The following TCF25 variants were observed in gnomAD, a reference collection of about 807,000 sequenced individuals.
The protein encoded by TCF25 is ribosome quality control complex subunit TCF25.
Under a neutral mutation model 83.1 loss-of-function variants are expected in TCF25, and 41 were observed. That is an observed-to-expected ratio of 0.49 (90% confidence interval 0.38 to 0.64). The LOEUF is 0.64. Ranked by LOEUF, TCF25 falls within the 30% of genes least tolerant of loss-of-function variation. The pLI, the probability that TCF25 is intolerant of heterozygous loss-of-function variation, is 0.00. For synonymous variants in TCF25, 458 were observed against 365.0 expected, an observed-to-expected ratio of 1.25 and a Z score of -2.90; for missense variants, 979 against 914.5, an observed-to-expected ratio of 1.07 and a Z score of -0.91.
chr16:89,883,856 A>T (rs1047889125), intron 2 of TCF25: 1 of 237,194 alleles, frequency 4.2e-6, no homozygotes, highest in Non-Finnish European at 8.5e-6. Context: ...TGTCCTTCCT[A>T]ACTGTGCCCC....
intron 11 of TCF25, among the ~76,000 whole-genome samples, chr16:89,899,796 T>C (rs1044635251): frequency 6.6e-6 from 1 of 152,096 alleles, no homozygotes; most frequent in Non-Finnish European, 1.5e-5. Flanking sequence ...GCAGCACTTA[T>C]CTGGAAGGAC....
At chr16:89,897,409 A>G (rs560572078) in intron 9 of TCF25, among the ~76,000 whole-genome samples, 2 of 152,330 alleles carry the variant, frequency 1.3e-5, no homozygotes, top group African/African-American at 4.8e-5. Context: ...TCCTGTGTGC[A>G]GTGCCCTGTT....
intron 15 of TCF25, 49 bp from the exon 16 acceptor site, chr16:89,907,194 G>GC: frequency 1.3e-6 from 2 of 1,583,126 alleles, no homozygotes; most frequent in Admixed American, 3.3e-5. Context: ...AGAGGTAGAG[G>GC]CCCCCTGGCA....
In TCF25 at chr16:89,911,113, C is replaced by T. The variant is rs1438569752; in HGVS notation, c.1906C>T (p.Leu636=). Residue 636 remains leucine (L), a synonymous_variant, in exon 18 of 18, where the codon CTG becomes TTG. Transcript: ENST00000263346. ...ERPEEGVAGG[L]NRNQGLNRLM... ...GCCCGAGGAAGGAGTGGCTGGGGGT[C>T]TGAACCGCAACCAGGGCCTGAACAG... 1 of 1,611,358 alleles carries T rather than the reference C, an allele frequency of 6.2e-7. No individual in the cohort carries two copies. Among genetic ancestry groups the T allele is most frequent in the African/African-American group, 1.3e-5 (1 of 74,886 alleles).
In TCF25 at chr16:89,893,723, C is replaced by G; in HGVS notation, c.698-5C>G. ...ACACCCTCCCTGAGCACTCTCCCCT[C>G]CCAGGTCTGTCCATGCGGCTGCTGG... On this transcript the variant is annotated splice_region_variant and splice_polypyrimidine_tract_variant and intron_variant, in intron 6 of 17. Transcript: ENST00000263346. 6.2e-7 allele frequency: 1 copy of G among 1,613,738 alleles called. No individual in the cohort carries two copies. The highest frequency in any genetic ancestry group is 1.3e-5 in the African/African-American group (1 of 75,052).
At chr16:89,901,476 T>TGAGG (rs1555616249) in intron 12 of TCF25, among the ~76,000 whole-genome samples, 26 of 142,912 alleles carry the variant, frequency 1.8e-4, no homozygotes, top group Non-Finnish European at 3.1e-4. Context: ...CCGGGCGCGG[T>TGAGG]GGCTCACGCC....
rs1455487797 is a variant in TCF25 at position 89,897,634 on chromosome 16, A to G, written c.1023-923A>G. Among the ~76,000 whole-genome samples, 2 of 152,184 alleles carry G rather than the reference A, an allele frequency of 1.3e-5. 1 individual carries two copies. Among genetic ancestry groups the G allele is most frequent in the South Asian group, 4.1e-4 (2 of 4,834 alleles). ...GATTATAAAATATTAATATTTCCCG[A>G]CGCGAAAGAGACAGTGGGCTGTTGA... On this transcript the variant is annotated intron_variant, in intron 9 of 17. Coordinates refer to ENST00000263346, the MANE Select transcript of TCF25 (RefSeq NM_014972.3).
At chr16:89,910,484 TC>T (rs1374424042) in intron 16 of TCF25, 106 bp from the exon 17 acceptor site, 7 of 1,181,546 alleles carry the variant, frequency 5.9e-6, no homozygotes, top group Non-Finnish European at 8.7e-6. Context: ...TGGCGGCCCC[TC>T]CGTGTCCCTG....
At chr16:89,907,479 A>T (rs866334636) in intron 16 of TCF25, among the ~76,000 whole-genome samples, 157 bp downstream of exon 16, 64 of 18,384 alleles carry the variant, frequency 3.5e-3, no homozygotes, top group African/African-American at 5.9e-3. Flanking sequence ...CCCACCTCCC[A>T]CCTCCCAGCT....
intron 15 of TCF25, among the ~76,000 whole-genome samples, chr16:89,906,873 AC>A (rs1364442166): frequency 6.6e-6 from 1 of 152,012 alleles, no homozygotes; most frequent in East Asian, 1.9e-4. Context: ...GCACTGTGCA[AC>A]CCGAGGGCAG....
At chr16:89,908,667 ACCTCCCT>A (rs1302256370) in intron 16 of TCF25, among the ~76,000 whole-genome samples, 2 of 28,654 alleles carry the variant, frequency 7.0e-5, no homozygotes, top group African/African-American at 1.2e-4. Context: ...CCCAGCTCCC[ACCTCCCT>A]CCTCCCAGCT....
At chr16:89,878,591 T>C in intron 1 of TCF25, 7 of 1,166,986 alleles carry the variant, frequency 6.0e-6, no homozygotes, top group Non-Finnish European at 7.5e-6. Context: ...TGTTCCCCAT[T>C]TGAGACCCTA....
intron 1 of TCF25, chr16:89,874,774 T>C (rs2042046366): frequency 6.9e-6 from 1 of 144,814 alleles, no homozygotes; most frequent in Non-Finnish European, 1.5e-5. Flanking sequence ...GCCCGGCTAA[T>C]TTTTTTTTTT....
At chr16:89,886,050 C>G (rs2042988811) in intron 4 of TCF25, 84 bp downstream of exon 4, 1 of 1,041,610 alleles carries the variant, frequency 9.6e-7, no homozygotes, top group African/African-American at 1.6e-5. Context: ...CTGCCCTTCT[C>G]TGTGGCTGCC....
chr16:89,880,061 G>C (rs1177399419), intron 1 of TCF25, among the ~76,000 whole-genome samples: 1 of 150,996 alleles, frequency 6.6e-6, no homozygotes, highest in Non-Finnish European at 1.5e-5. Flanking sequence ...ATGGGCTTCA[G>C]AGCCTGTCAC....
rs201731442 is a variant in TCF25 at position 89,907,201 on chromosome 16, G to A, written c.1720-42G>A. ...CTGCTGGGAGAGGTAGAGGCCCCCT[G>A]GCAGCATCTGTAGCATCTTCGTTTT... On this transcript the variant is annotated intron_variant, in intron 15 of 17. Coordinates refer to ENST00000263346, the MANE Select transcript of TCF25 (RefSeq NM_014972.3). The A allele has an allele frequency of 1.9e-6, 3 of 1,600,972 alleles. No homozygotes were observed. In the East Asian group the frequency reaches 6.7e-5, roughly 36 times the overall value.
At chr16:89,887,151 A>C (rs1172003119) in intron 4 of TCF25, among the ~76,000 whole-genome samples, 1 of 152,004 alleles carries the variant, frequency 6.6e-6, no homozygotes, top group African/African-American at 2.4e-5. Flanking sequence ...CTCTTGCCTC[A>C]GTCTCCCAAA....
At chr16:89,908,658 C>G (rs867434901) in intron 16 of TCF25, among the ~76,000 whole-genome samples, 2 of 130,394 alleles carry the variant, frequency 1.5e-5, no homozygotes, top group Non-Finnish European at 3.4e-5. Flanking sequence ...CTCCCACCTC[C>G]CAGCTCCCAC....
At chr16:89,878,136 C>G (rs1294859409) in intron 1 of TCF25, among the ~76,000 whole-genome samples, 1 of 151,780 alleles carries the variant, frequency 6.6e-6, no homozygotes, top group African/African-American at 2.4e-5. Context: ...AAAAACTGTC[C>G]AAGTATAGTG....
Sources: gnomAD v4.1 joint callset for allele counts (sites outside exome capture counted in the v4.1 genomes callset) on GRCh38, gnomAD v4.1.1 for gene constraint, MANE v1.5 for transcripts, NCBI Gene and HGNC (gene_info 2026-07-23, HGNC 2026-07-21) for gene names.